The following RERE variants were observed in gnomAD, a reference collection of about 807,000 sequenced individuals.
RERE encodes the protein arginine-glutamic acid dipeptide repeats, also known as arginine-glutamic acid dipeptide repeats protein.
In RERE, 40 loss-of-function variants were observed where a neutral mutation model predicts 146.1. The ratio of observed to expected loss-of-function variants is 0.27; its 90% CI spans 0.21 to 0.36. The LOEUF is 0.36. RERE is among the 10% of genes least tolerant of loss of function. The pLI is 1.00. For synonymous variants in RERE, 1,003 were observed against 866.0 expected (o/e 1.16, Z -2.78); for missense variants, 1,933 against 2,138.7 (o/e 0.90, Z 1.90).
At chr1:8,433,119 A>G (rs1644117448) in intron 11 of RERE, among the ~76,000 whole-genome samples, 1 of 152,220 alleles carries the variant, frequency 6.6e-6, no homozygotes, top group South Asian at 2.1e-4. Flanking sequence ...ATGGTTCAGT[A>G]ACTAAATAAC....
At chr1:8,408,807 C>T (rs1039637888) in intron 12 of RERE, among the ~76,000 whole-genome samples, 1 of 152,142 alleles carries the variant, frequency 6.6e-6, no homozygotes, top group Admixed American at 6.5e-5. Context: ...AAAATGACTC[C>T]TGCCGTGAGT....
At position 8,486,627 on chromosome 1, in the gene RERE, C is replaced by T. The variant is rs139278646; in HGVS notation, c.1104+8436G>A. Among the ~76,000 whole-genome samples the T allele has an allele frequency of 8.7e-3, 1,310 of 150,824 alleles. 21 individuals carry two copies. The highest frequency in any genetic ancestry group is 0.03 in the African/African-American group (1,233 of 41,192). On this transcript the variant is annotated intron_variant, in intron 10 of 22. Coordinates refer to ENST00000400908, the MANE Select transcript of RERE (RefSeq NM_001042681.2). ...GAAAAAAATTAATAACGAACAGAAA[C>T]CAATGAAATATAAAACAAACGGGAA...
intron 1 of RERE, among the ~76,000 whole-genome samples, chr1:8,667,440 C>T (rs1009993324): frequency 2.0e-5 from 3 of 152,132 alleles, no homozygotes; most frequent in African/African-American, 7.2e-5. Flanking sequence ...GTTCGGGGGG[C>T]CGAGGCAGGA....
At position 8,495,093 on chromosome 1, in the gene RERE, C is replaced by G; in HGVS notation, c.1074G>C (p.Arg358=). Residue 358 remains arginine, a synonymous_variant, in exon 10 of 23, where the codon CGG becomes CGC. Coordinates refer to ENST00000400908, the MANE Select transcript of RERE (RefSeq NM_001042681.2). ...STEDGCVAAS[R]DDTTLNALNT... Reference sequence around the variant, plus strand: ...TCAGTGCATTCAGAGTGGTGTCATCCCGAGAGGCTGCGACACAGCCGTCCT... The same window carrying G: ...TCAGTGCATTCAGAGTGGTGTCATCGCGAGAGGCTGCGACACAGCCGTCCT... The G allele has an allele frequency of 6.2e-7, 1 of 1,613,796 alleles. No homozygotes were observed. The highest frequency in any genetic ancestry group is 8.5e-7 in the Non-Finnish European group (1 of 1,179,744).
chr1:8,581,152 G>A (rs1203866586), intron 4 of RERE, among the ~76,000 whole-genome samples: 1 of 152,156 alleles, frequency 6.6e-6, no homozygotes, highest in East Asian at 1.9e-4. Flanking sequence ...CTAACATTCA[G>A]GGTTATCCAT....
At chr1:8,460,167 T>C (rs1174876657) in intron 11 of RERE, among the ~76,000 whole-genome samples, 2 of 152,190 alleles carry the variant, frequency 1.3e-5, no homozygotes, top group East Asian at 1.9e-4. Context: ...ATAAAATTCA[T>C]TGTATTTTTG....
chr1:8,550,386 T>C (rs1049523207), intron 6 of RERE, among the ~76,000 whole-genome samples: 1 of 152,138 alleles, frequency 6.6e-6, no homozygotes, highest in Non-Finnish European at 1.5e-5. Flanking sequence ...GACAAAACAA[T>C]AAAAATGCTG....
At chr1:8,529,387 T>G (rs1267360821) in intron 7 of RERE, among the ~76,000 whole-genome samples, 1 of 148,784 alleles carries the variant, frequency 6.7e-6, no homozygotes, top group Non-Finnish European at 1.5e-5. Flanking sequence ...GGTCCTAGGT[T>G]CACGCCATTC....
chr1:8,422,191 G>A (rs1013064885), intron 12 of RERE, among the ~76,000 whole-genome samples: 1 of 152,154 alleles, frequency 6.6e-6, no homozygotes, highest in Non-Finnish European at 1.5e-5. Flanking sequence ...CAATTTATAA[G>A]ATCCCCTTGT....
chr1:8,754,383 T>C (rs192161535), intron 1 of RERE, among the ~76,000 whole-genome samples: 90 of 152,288 alleles, frequency 5.9e-4, no homozygotes, highest in African/African-American at 1.7e-3. Context: ...AGCCAGCATA[T>C]GAAAGAAGGT....
At chr1:8,757,520 C>A (rs1264171405) in intron 1 of RERE, among the ~76,000 whole-genome samples, 3 of 152,112 alleles carry the variant, frequency 2.0e-5, no homozygotes, top group Non-Finnish European at 4.4e-5. Context: ...ATCAGAGGAA[C>A]AAATGTAAGA....
intron 7 of RERE, among the ~76,000 whole-genome samples, chr1:8,520,602 T>C (rs915658987): frequency 2.0e-5 from 3 of 152,030 alleles, no homozygotes; most frequent in East Asian, 1.9e-4. Context: ...CTCCATTATG[T>C]GGTAACCTAC....
intron 6 of RERE, among the ~76,000 whole-genome samples, chr1:8,551,690 C>T (rs2124413879): frequency 6.6e-6 from 1 of 152,272 alleles, no homozygotes; most frequent in Non-Finnish European, 1.5e-5. Context: ...CTTTGAGGGA[C>T]TTTCACACTC....
At chr1:8,732,623 T>C (rs1226696609) in intron 1 of RERE, among the ~76,000 whole-genome samples, 1 of 152,108 alleles carries the variant, frequency 6.6e-6, no homozygotes, top group Non-Finnish European at 1.5e-5. Flanking sequence ...CCACAGAATG[T>C]ACAACACAAA....
intron 7 of RERE, chr1:8,525,977 G>C: frequency 7.4e-7 from 1 of 1,346,850 alleles, no homozygotes; most frequent in Non-Finnish European, 9.5e-7. Flanking sequence ...CACTCTGACA[G>C]GACTGAGCAT....
intron 7 of RERE, among the ~76,000 whole-genome samples, chr1:8,530,679 CTTTTTTTT>C (rs1197212764): frequency 6.2e-5 from 6 of 96,938 alleles, no homozygotes; most frequent in Admixed American, 2.4e-4. Flanking sequence ...TTTTCGTTTT[CTTTTTTTT>C]TTTTTTTTTT....
chr1:8,478,732 T>A (rs773014891), intron 10 of RERE, among the ~76,000 whole-genome samples: 6 of 152,148 alleles, frequency 3.9e-5, no homozygotes, highest in Admixed American at 6.5e-5. Context: ...CCTGAGTTTA[T>A]CCCAGGCCAG....
Position 8,358,476 on chromosome 1 carries a change from G to A in RERE, c.4059C>T (p.Leu1353=). 6.3e-7 allele frequency: 1 copy of A among 1,585,132 alleles called. No individual in the cohort carries two copies. Among genetic ancestry groups the A allele is most frequent in the Non-Finnish European group, 8.6e-7 (1 of 1,163,770 alleles). Reference sequence around the variant, plus strand: ...GGGGCCCGGCGGTCGGGGGGATGGTGAGGGCGCTGTGCCGGGCAAAGTGCT... The same window carrying A: ...GGGGCCCGGCGGTCGGGGGGATGGTAAGGGCGCTGTGCCGGGCAAAGTGCT... The part of the protein sequence containing the change: ...PMEHFARHSA[L]TIPPTAGPHP... Residue 1353 remains leucine (L), a synonymous_variant, in exon 20 of 23, where the codon CTC becomes CTT. Transcript: ENST00000400908.
At chr1:8,778,892 G>C (rs1421203503) in intron 1 of RERE, among the ~76,000 whole-genome samples, 1 of 151,968 alleles carries the variant, frequency 6.6e-6, no homozygotes, top group African/African-American at 2.4e-5. Flanking sequence ...CTGTCACCCA[G>C]GCTAGATTGC....
Sources: allele counts gnomAD v4.1 joint callset (sites outside exome capture counted in the v4.1 genomes callset), GRCh38; gene constraint gnomAD v4.1.1; transcripts MANE v1.5; gene names NCBI Gene and HGNC (gene_info 2026-07-23, HGNC 2026-07-21).